The following IGDCC3 variants were observed in gnomAD, a reference collection of about 807,000 sequenced individuals.
IGDCC3 encodes putative neuronal cell adhesion molecule.
Under a neutral mutation model 72.0 loss-of-function variants are expected in IGDCC3, and 47 were observed. The ratio of observed to expected loss-of-function variants is 0.65; its 90% confidence interval spans 0.52 to 0.83. The LOEUF is 0.83. Ranked by LOEUF, IGDCC3 falls within the 40% of genes least tolerant of loss-of-function variation. The pLI is 0.00. For synonymous variants in IGDCC3, 477 were observed against 472.8 expected (o/e 1.01, Z -0.11); for missense variants, 1,038 against 1,091.3 (o/e 0.95, Z 0.69).
chr15:65,330,104 T>C (rs1484494419), intron 11 of IGDCC3, among the ~76,000 whole-genome samples, 189 bp downstream of exon 11: 1 of 152,196 alleles, frequency 6.6e-6, no homozygotes, highest in Non-Finnish European at 1.5e-5. Context: ...CTATTATCCC[T>C]GTATTATAGA....
At chr15:65,343,976 G>C (rs2091104230) in intron 2 of IGDCC3, among the ~76,000 whole-genome samples, 1 of 152,144 alleles carries the variant, frequency 6.6e-6, no homozygotes, top group Non-Finnish European at 1.5e-5. Context: ...CCATCATCTG[G>C]ATCCCCACTT....
intron 5 of IGDCC3, 83 bp downstream of exon 5, chr15:65,334,645 G>T: frequency 8.3e-7 from 1 of 1,208,710 alleles, no homozygotes; most frequent in Non-Finnish European, 1.1e-6. Flanking sequence ...CATTCCCCTG[G>T]AGCTGGGTGA....
At chr15:65,368,499 G>A (rs567045294) in intron 2 of IGDCC3, among the ~76,000 whole-genome samples, 6 of 152,132 alleles carry the variant, frequency 3.9e-5, no homozygotes, top group Admixed American at 6.5e-5. Flanking sequence ...AGAAGCGTTC[G>A]ACTTCCACAC....
chr15:65,374,060 C>T (rs1363367321), intron 2 of IGDCC3: 1 of 152,126 alleles, frequency 6.6e-6, no homozygotes, highest in Non-Finnish European at 1.5e-5. Context: ...TGCTTGAACC[C>T]GGGAGATAGA....
intron 2 of IGDCC3, among the ~76,000 whole-genome samples, chr15:65,336,673 C>A (rs565381569): frequency 1.3e-5 from 2 of 152,074 alleles, no homozygotes; most frequent in East Asian, 1.9e-4. Context: ...TATTCAGGGA[C>A]CCCTCCCCAC....
chr15:65,332,497 G>A (rs1231277355), intron 6 of IGDCC3, among the ~76,000 whole-genome samples: 1 of 152,118 alleles, frequency 6.6e-6, no homozygotes, highest in African/African-American at 2.4e-5. Context: ...AGTACCGGGG[G>A]CCCCCTCGCC....
Position 65,333,386 on chromosome 15 carries a change from G to C in IGDCC3, c.853C>G (p.Gln285Glu). 1 of 1,609,644 alleles carries C rather than the reference G, an allele frequency of 6.2e-7. No homozygotes were observed. The highest frequency in any genetic ancestry group is 8.5e-7 in the Non-Finnish European group (1 of 1,177,960). The change falls in exon 6 of 14, where the codon CAG becomes GAG. Residue 285 changes from glutamine to glutamate, a missense_variant. By Grantham distance (29) the Gln-to-Glu change is conservative (BLOSUM62 2). Transcript: ENST00000327987. ...DGRPIGVEGI[Q>E]VLGTGNLIIS... ...ATGAGGTTTCCTGTGCCCAGCACCTGGATGCCCTCCACCCCGATAGGGCGA... is the reference window on the plus strand; with the variant it reads ...ATGAGGTTTCCTGTGCCCAGCACCTCGATGCCCTCCACCCCGATAGGGCGA...
intron 2 of IGDCC3, among the ~76,000 whole-genome samples, chr15:65,367,624 G>A (rs577237707): frequency 5.9e-5 from 9 of 152,070 alleles, no homozygotes; most frequent in Non-Finnish European, 1.0e-4. Flanking sequence ...AAGGCCTCCC[G>A]CCACCCGCTG....
intron 2 of IGDCC3, among the ~76,000 whole-genome samples, chr15:65,367,861 G>A (rs1010364364): frequency 3.9e-5 from 6 of 152,094 alleles, no homozygotes; most frequent in East Asian, 1.9e-4. Flanking sequence ...TAGGCCCCTC[G>A]ACATCCTTCA....
Position 65,377,629 on chromosome 15 carries a change from G to T in IGDCC3, c.103+57C>A. 7.4e-7 allele frequency: 1 copy of T among 1,360,398 alleles called. No homozygotes were observed. The highest frequency in any genetic ancestry group is 9.4e-7 in the Non-Finnish European group (1 of 1,058,494). 84.3% of individuals were successfully genotyped at this position (1,360,398 alleles called of 1,614,324 possible). A position where few individuals can be genotyped will look rare whatever the true frequency, so the allele number is the denominator to read the frequency against. On this transcript the variant is annotated intron_variant, in intron 1 of 13. Transcript: ENST00000327987. This position sits in a 1 kb window ranked among gnomAD's most constrained non-coding sequence, Gnocchi z 4.9. ...CGCCCCTCGCGCCCGCTCCCTCCCTGCTCGCCCTTCCCCTGGCTCCGTCCG... is the reference window on the plus strand; with the variant it reads ...CGCCCCTCGCGCCCGCTCCCTCCCTTCTCGCCCTTCCCCTGGCTCCGTCCG...
chr15:65,340,165 A>G (rs539919739), intron 2 of IGDCC3, among the ~76,000 whole-genome samples: 3 of 152,202 alleles, frequency 2.0e-5, no homozygotes, highest in Admixed American at 6.5e-5. Flanking sequence ...TAAATCACCC[A>G]AGGGGAGGGG....
intron 2 of IGDCC3, among the ~76,000 whole-genome samples, chr15:65,361,946 G>GCGAC (rs1203344130): frequency 6.6e-6 from 1 of 152,206 alleles, no homozygotes; most frequent in Non-Finnish European, 1.5e-5. Context: ...CCAGGGATCT[G>GCGAC]CGACCGCATC....
intron 6 of IGDCC3, among the ~76,000 whole-genome samples, chr15:65,332,941 C>T (rs1262024083): frequency 1.3e-5 from 2 of 152,224 alleles, no homozygotes; most frequent in African/African-American, 2.4e-5. Context: ...TGGGAAGACA[C>T]GTGTGAGCGA....
In IGDCC3 at chr15:65,329,294, TGA is replaced by T; in HGVS notation, c.2205+94_2205+95del. 1 of 1,470,496 alleles carries T rather than the reference TGA, an allele frequency of 6.8e-7. No individual in the cohort carries two copies. Among genetic ancestry groups the T allele is most frequent in the Non-Finnish European group, 9.2e-7 (1 of 1,090,230 alleles). The allele number at this position is 1,470,496 out of a possible 1,614,324, so 91.1% of individuals were successfully genotyped here. A position where few individuals can be genotyped will look rare whatever the true frequency, so the allele number is the denominator to read the frequency against. On this transcript the variant is annotated intron_variant, in intron 13 of 13. Transcript: ENST00000327987. The surrounding 1 kb of genome is among the most constrained non-coding windows in gnomAD (Gnocchi z 4.1). ...AGACCTGCAGTTTGACTAAGGCCAA[TGA>T]TCGAGGCCCGTGGCCAAGGTGAAGG...
At chr15:65,374,665 T>G (rs1397128588) in intron 2 of IGDCC3, among the ~76,000 whole-genome samples, 1 of 152,248 alleles carries the variant, frequency 6.6e-6, no homozygotes, top group Admixed American at 6.5e-5. Context: ...TACATTAGTT[T>G]AAGCACATAA....
intron 2 of IGDCC3, among the ~76,000 whole-genome samples, chr15:65,359,365 C>T (rs1313150619): frequency 6.6e-6 from 1 of 152,090 alleles, no homozygotes; most frequent in Non-Finnish European, 1.5e-5. Flanking sequence ...ATGCACAGGA[C>T]ACTGCAGGGA....
intron 2 of IGDCC3, among the ~76,000 whole-genome samples, chr15:65,356,840 T>C (rs1032885374): frequency 1.1e-3 from 168 of 147,652 alleles, no homozygotes; most frequent in African/African-American, 4.1e-3. Context: ...GATTTGAGAA[T>C]GGACCTGCTT....
intron 2 of IGDCC3, among the ~76,000 whole-genome samples, chr15:65,337,650 C>T (rs768052578): frequency 5.3e-5 from 8 of 152,084 alleles, no homozygotes; most frequent in Non-Finnish European, 1.0e-4. Flanking sequence ...AGCCCAGGGA[C>T]TTGGGGGAGG....
At chr15:65,345,153 T>G (rs977318807) in intron 2 of IGDCC3, among the ~76,000 whole-genome samples, 4 of 152,174 alleles carry the variant, frequency 2.6e-5, no homozygotes, top group Admixed American at 2.6e-4. Flanking sequence ...CAACAGATAC[T>G]TACTGAATGC....
Sources: gnomAD v4.1 joint callset for allele counts (sites outside exome capture counted in the v4.1 genomes callset) on GRCh38, gnomAD v4.1.1 for gene constraint, Gnocchi (gnomAD v3.1) non-coding constraint, MANE v1.5 for transcripts, NCBI Gene and HGNC (gene_info 2026-07-23, HGNC 2026-07-21) for gene names.